NALCN: variants seen among roughly 807,000 people sequenced by gnomAD.
NALCN encodes the protein sodium leak channel, non-selective, also known as sodium leak channel NALCN.
Under a neutral mutation model 225.3 loss-of-function variants are expected in NALCN, and 111 were observed. The observed-to-expected ratio is 0.49, with a 90% CI of 0.42 to 0.58. The LOEUF (loss-of-function observed/expected upper bound fraction) is 0.58, where lower values mean the gene tolerates loss of function less well. Ranked by LOEUF, NALCN falls within the 20% of genes least tolerant of loss-of-function variation. The probability of loss-of-function intolerance (pLI) is 0.00; values close to 1 mark genes in which losing one functional copy is unlikely to be tolerated. For synonymous variants in NALCN, 764 were observed against 769.0 expected (o/e 0.99, Z 0.11); for missense variants, 1,378 against 2,202.4 (o/e 0.63, Z 7.49).
intron 2 of NALCN, 83 bp from the exon 3 acceptor site, chr13:101,395,448 A>G: frequency 7.4e-7 from 1 of 1,355,842 alleles, no homozygotes; most frequent in Non-Finnish European, 1.0e-6. Flanking sequence ...AGTGGAAAAC[A>G]TAATACTGAG....
intron 10 of NALCN, among the ~76,000 whole-genome samples, chr13:101,266,867 T>C (rs2042612723): frequency 6.6e-6 from 1 of 152,246 alleles, no homozygotes; most frequent in Non-Finnish European, 1.5e-5. Context: ...ACTTCTACTA[T>C]CAATGTACAC....
At chr13:101,396,954 T>C (rs902314371) in intron 2 of NALCN, among the ~76,000 whole-genome samples, 2 of 150,978 alleles carry the variant, frequency 1.3e-5, no homozygotes. Context: ...TCTCTAAGTA[T>C]GAATGAAGGC....
In NALCN at chr13:101,229,412, C is replaced by A; in HGVS notation, c.1607G>T (p.Arg536Ile). The A allele has an allele frequency of 6.3e-7, 1 of 1,590,050 alleles. No homozygotes were observed. Among genetic ancestry groups the A allele is most frequent in the South Asian group, 1.2e-5 (1 of 86,550 alleles). ...QMFCFVEELD[R>I]FTTFPRAFMS... ...TCTTACCCTCGGAAACGTAGTAAAT[C>A]TGTCCAGTTCTTCGACAAAGCAGAA... Residue 536 changes from arginine (R) to isoleucine (I), a missense_variant, in exon 13 of 44, where the codon AGA becomes ATA. Physicochemically the swap from Arg to Ile is moderately conservative, Grantham distance 97. Transcript: ENST00000251127.
intron 9 of NALCN, among the ~76,000 whole-genome samples, chr13:101,288,333 T>C (rs944779904): frequency 3.9e-5 from 6 of 152,266 alleles, no homozygotes; most frequent in Non-Finnish European, 7.3e-5. Flanking sequence ...TGGAACACAG[T>C]AAACACATTT....
intron 18 of NALCN, among the ~76,000 whole-genome samples, chr13:101,114,782 C>A (rs1286768435): frequency 6.6e-6 from 1 of 152,114 alleles, no homozygotes; most frequent in Non-Finnish European, 1.5e-5. Context: ...ATCACGAATG[C>A]GGTTATTATC....
At chr13:101,310,940 T>C (rs1409871887) in intron 7 of NALCN, among the ~76,000 whole-genome samples, 1 of 152,080 alleles carries the variant, frequency 6.6e-6, no homozygotes, top group African/African-American at 2.4e-5. Context: ...AATCTGTAAA[T>C]TACCATGGGC....
chr13:101,171,350 TTATAA>T lies in NALCN; in HGVS notation c.1839+4945_1839+4949del, dbSNP rs1363090595. ...GATATTACATATATGTAATACAAAATTATAATATATTTTTGTATTTAATGTATGAC... is the reference window on the plus strand; with the variant it reads ...GATATTACATATATGTAATACAAAATTATATTTTTGTATTTAATGTATGAC... On this transcript the variant is annotated intron_variant, in intron 15 of 43. Coordinates refer to ENST00000251127, the MANE Select transcript of NALCN (RefSeq NM_052867.4). Among the ~76,000 whole-genome samples the T allele has an allele frequency of 1.1e-4, 16 of 149,218 alleles. 1 individual carries two copies. The highest frequency in any genetic ancestry group is 8.1e-4 in the Admixed American group (12 of 14,888).
intron 17 of NALCN, among the ~76,000 whole-genome samples, chr13:101,132,272 G>A (rs2036554253): frequency 6.6e-6 from 1 of 151,742 alleles, no homozygotes; most frequent in South Asian, 2.1e-4. Flanking sequence ...TTTGAAAATA[G>A]TTTTAAATTT....
intron 30 of NALCN, among the ~76,000 whole-genome samples, chr13:101,085,545 G>C (rs373865962): frequency 2.0e-5 from 3 of 152,024 alleles, no homozygotes; most frequent in African/African-American, 7.2e-5. Context: ...TAGAAGAGAG[G>C]ATTATGAATG....
chr13:101,095,586 A>C lies in NALCN; in HGVS notation c.3257T>G (p.Val1086Gly). ...RPGEKKPGFW[V>G]PRVWANPRNF... ...ATGATATACTTACCAAACACGGGGC[A>C]CCCAAAATCCAGGTTTTTTCTCTCC... The change falls in exon 28 of 44, where the codon GTG (valine) becomes GGG (glycine). Residue 1086 changes from valine (V) to glycine (G), a missense_variant. Physicochemically the swap from Val to Gly is moderately radical, Grantham distance 109 (BLOSUM62 -3). Transcript: ENST00000251127. 6.2e-7 allele frequency: 1 copy of C among 1,612,536 alleles called. No individual in the cohort carries two copies. The highest frequency in any genetic ancestry group is 8.5e-7 in the Non-Finnish European group (1 of 1,179,358).
At chr13:101,078,511 T>C (rs1566789416) in intron 34 of NALCN, among the ~76,000 whole-genome samples, 1 of 152,246 alleles carries the variant, frequency 6.6e-6, no homozygotes, top group Non-Finnish European at 1.5e-5. Flanking sequence ...TAATGTTTAA[T>C]GACTGCCCTA....
At chr13:101,295,131 A>G (rs1298351874) in intron 7 of NALCN, among the ~76,000 whole-genome samples, 1 of 152,216 alleles carries the variant, frequency 6.6e-6, no homozygotes, top group Non-Finnish European at 1.5e-5. Flanking sequence ...TTAAAAGTTG[A>G]CTTTTAAGAA....
intron 7 of NALCN, among the ~76,000 whole-genome samples, chr13:101,312,774 CTTCCAACT>C (rs2044396345): frequency 6.6e-6 from 1 of 152,074 alleles, no homozygotes; most frequent in Admixed American, 6.6e-5. Flanking sequence ...GAGTGCTTTA[CTTCCAACT>C]ATGTGGTCAA....
chr13:101,340,279 C>A (rs1408456034), intron 7 of NALCN, among the ~76,000 whole-genome samples: 2 of 145,510 alleles, frequency 1.4e-5, no homozygotes, highest in Non-Finnish European at 3.0e-5. Context: ...AACAAACAAA[C>A]AAACAAAAAA....
At chr13:101,249,277 C>A (rs566214520) in intron 11 of NALCN, among the ~76,000 whole-genome samples, 2 of 152,244 alleles carry the variant, frequency 1.3e-5, no homozygotes, top group Non-Finnish European at 2.9e-5. Context: ...AATAATCAAA[C>A]CATAAAATAA....
chr13:101,125,331 A>T (rs1055801443), intron 17 of NALCN, among the ~76,000 whole-genome samples: 1 of 152,154 alleles, frequency 6.6e-6, no homozygotes, highest in Admixed American at 6.5e-5. Context: ...AAAACAGGCA[A>T]ATGGGCCACT....
At position 101,349,431 on chromosome 13, in the gene NALCN, A is replaced by G. The variant is rs574271864; in HGVS notation, c.645-4011T>C. Among the ~76,000 whole-genome samples, 14 of 152,286 alleles carry G rather than the reference A, an allele frequency of 9.2e-5. No individual in the cohort carries two copies. In the East Asian group the frequency reaches 2.7e-3, roughly 29 times the overall value. On this transcript the variant is annotated intron_variant, in intron 6 of 43. Transcript: ENST00000251127. ...AGATAATGTTGCATAGCAAAAGGGA[A>G]CTAAAGTTATAGGTGTGATTAAGGC...
At chr13:101,186,642 TA>T (rs1450923531) in intron 14 of NALCN, among the ~76,000 whole-genome samples, 2 of 152,072 alleles carry the variant, frequency 1.3e-5, no homozygotes, top group African/African-American at 4.8e-5. Context: ...ATATATCATT[TA>T]AAAAATAATT....
intron 17 of NALCN, 96 bp downstream of exon 17, chr13:101,142,984 A>C (rs754415455): frequency 7.1e-7 from 1 of 1,409,606 alleles, no homozygotes; most frequent in South Asian, 1.2e-5. Flanking sequence ...TATTCTCTTG[A>C]GAAATTGGAT....
Sources: gnomAD v4.1 joint callset for allele counts (sites outside exome capture counted in the v4.1 genomes callset) on GRCh38, gnomAD v4.1.1 for gene constraint, MANE v1.5 for transcripts, NCBI Gene and HGNC (gene_info 2026-07-23, HGNC 2026-07-21) for gene names.